GTF3C5: variants seen among roughly 807,000 people sequenced by gnomAD.
GTF3C5 encodes general transcription factor IIIC subunit 5, also known as general transcription factor 3C polypeptide 5.
GTF3C5 carries 47 observed loss-of-function variants against 61.0 expected under a neutral mutation model. The ratio of observed to expected loss-of-function variants is 0.77; its 90% CI spans 0.61 to 0.98. GTF3C5 has a LOEUF of 0.98. Ranked by LOEUF, GTF3C5 falls within the 50% of genes least tolerant of loss-of-function variation. The probability of loss-of-function intolerance (pLI) is 0.00; values close to 1 mark genes in which losing one functional copy is unlikely to be tolerated. For missense variants in GTF3C5, 659 were observed against 703.3 expected, an observed-to-expected ratio of 0.94 and a Z score of 0.71; for synonymous variants, 295 against 275.4, an observed-to-expected ratio of 1.07 and a Z score of -0.71.
intron 2 of GTF3C5, 84 bp from the exon 3 acceptor site, chr9:133,043,644 T>G (rs552557117): frequency 9.0e-7 from 1 of 1,106,542 alleles, no homozygotes; most frequent in South Asian, 1.3e-5. Flanking sequence ...ACTCAGCACC[T>G]CCCTAAGCAG....
intron 1 of GTF3C5, among the ~76,000 whole-genome samples, chr9:133,032,379 G>A (rs997348273): frequency 1.5e-4 from 23 of 152,272 alleles, no homozygotes; most frequent in African/African-American, 5.3e-4. Context: ...GAGCGATTTC[G>A]GTGGGAAGAC....
intron 3 of GTF3C5, among the ~76,000 whole-genome samples, chr9:133,049,550 T>A (rs1193519731): frequency 6.6e-6 from 1 of 152,242 alleles, no homozygotes; most frequent in Non-Finnish European, 1.5e-5. Context: ...TACTTTAAGA[T>A]GCACTTCGAT....
chr9:133,044,197 A>AACAGACG, intron 3 of GTF3C5: 1 of 482,780 alleles, frequency 2.1e-6, no homozygotes, highest in South Asian at 2.5e-5. Flanking sequence ...AGTACTACCC[A>AACAGACG]ACAGACGTAT....
At chr9:133,041,246 C>T (rs1012646839) in intron 1 of GTF3C5, among the ~76,000 whole-genome samples, 3 of 152,208 alleles carry the variant, frequency 2.0e-5, no homozygotes, top group Non-Finnish European at 2.9e-5. Flanking sequence ...AGACTCTACT[C>T]CTCCACCTCT....
chr9:133,037,750 C>T (rs887572821), intron 1 of GTF3C5, among the ~76,000 whole-genome samples: 2 of 152,094 alleles, frequency 1.3e-5, no homozygotes, highest in South Asian at 4.1e-4. Context: ...TTGAACTCTG[C>T]GTCTTCTAAG....
At position 133,056,013 on chromosome 9, in the gene GTF3C5, ACT is replaced by A; in HGVS notation, c.1172_1173del (p.Ser391CysfsTer35). The stretch of plus-strand genomic sequence containing the variant: ...GTCTCTCTCCCCCTTTGTCACCAGG[ACT>A]CTGTCTACATCTTCCGGGAAGGGGC... On this transcript the variant is annotated frameshift_variant and splice_region_variant, in exon 9 of 11. Coordinates refer to ENST00000372097, the MANE Select transcript of GTF3C5 (RefSeq NM_012087.4). LOFTEE classifies it high-confidence loss of function. The A allele has an allele frequency of 6.2e-7, 1 of 1,613,764 alleles. No individual in the cohort carries two copies. Among genetic ancestry groups the A allele is most frequent in the East Asian group, 2.2e-5 (1 of 44,860 alleles).
At chr9:133,035,288 T>C (rs1018600760) in intron 1 of GTF3C5, among the ~76,000 whole-genome samples, 1 of 152,172 alleles carries the variant, frequency 6.6e-6, no homozygotes. Context: ...ATAAGTACTT[T>C]AGGCAACCGA....
chr9:133,044,102 G>A lies in GTF3C5; in HGVS notation c.572+176G>A, dbSNP rs146064580. On this transcript the variant is annotated intron_variant, in intron 3 of 10. Transcript: ENST00000372097. ...GGAGGTTGCAGTGAGCCAAGATCGCGTCACTGCACTCCAGCCCGGGTGACA... is the reference window on the plus strand; with the variant it reads ...GGAGGTTGCAGTGAGCCAAGATCGCATCACTGCACTCCAGCCCGGGTGACA... 1,124 of 412,602 alleles carry A rather than the reference G, an allele frequency of 2.7e-3. 17 individuals carry two copies. Among genetic ancestry groups the A allele is most frequent in the African/African-American group, 0.023 (1,019 of 44,056 alleles). The allele number at this position is 412,602 out of a possible 1,614,324, so 25.6% of individuals were successfully genotyped here.
chr9:133,054,773 T>G lies in GTF3C5; in HGVS notation c.1131T>G (p.Gly377=). ...KQGLGPSGTS[G]ARKPASSKYK... ...GCCTGGGCCCGTCGGGGACGAGTGGTGCTCGGAAACCAGCTTCCAGCAAGT... is the reference window on the plus strand; with the variant it reads ...GCCTGGGCCCGTCGGGGACGAGTGGGGCTCGGAAACCAGCTTCCAGCAAGT... Residue 377 remains glycine (G), a synonymous_variant, in exon 8 of 11, where the codon GGT becomes GGG. Transcript: ENST00000372097. 6.3e-7 allele frequency: 1 copy of G among 1,583,636 alleles called. No individual in the cohort carries two copies. The highest frequency in any genetic ancestry group is 8.6e-7 in the Non-Finnish European group (1 of 1,165,430).
chr9:133,036,971 C>T lies in GTF3C5; in HGVS notation c.154-5116C>T, dbSNP rs565283772. ...GAGGTGGACGGAGAGGGCAGCTATC[C>T]GTTCTGTAGCTTCACCAGATACCAG... On this transcript the variant is annotated intron_variant, in intron 1 of 10. Coordinates refer to ENST00000372097, the MANE Select transcript of GTF3C5 (RefSeq NM_012087.4). Among the ~76,000 whole-genome samples, 10 of 152,174 alleles carry T rather than the reference C, an allele frequency of 6.6e-5. No individual in the cohort carries two copies. In the South Asian group the frequency reaches 1.2e-3, roughly 19 times the overall value.
At chr9:133,056,959 T>A (rs958305922) in intron 10 of GTF3C5, 51 bp downstream of exon 10, 3 of 1,510,926 alleles carry the variant, frequency 2.0e-6, no homozygotes, top group Non-Finnish European at 2.7e-6. Context: ...TGATCTCCTT[T>A]GAGACAGAGG....
chr9:133,051,849 G>A (rs1850390258), intron 4 of GTF3C5: 1 of 434,390 alleles, frequency 2.3e-6, no homozygotes, highest in South Asian at 4.7e-5. Flanking sequence ...ACTGCACTTG[G>A]CACAGGCTGG....
chr9:133,042,109 G>C lies in GTF3C5; in HGVS notation c.176G>C (p.Arg59Thr). 6.2e-7 allele frequency: 1 copy of C among 1,613,850 alleles called. No homozygotes were observed. The highest frequency in any genetic ancestry group is 8.5e-7 in the Non-Finnish European group (1 of 1,179,966). Residue 59 changes from arginine (R) to threonine (T), a missense_variant, in exon 2 of 11, where the codon AGG (arginine) becomes ACG (threonine). Coordinates refer to ENST00000372097, the MANE Select transcript of GTF3C5 (RefSeq NM_012087.4). The part of the protein sequence containing the change: ...VSRIYADPTK[R>T]LELYFRPKDP... ...CAGATCTACGCAGACCCCACCAAGA[G>C]GCTGGAGCTGTACTTCCGGCCCAAG... is the stretch of plus-strand genomic sequence containing the variant.
Position 133,043,727 on chromosome 9 carries a change from G to C in GTF3C5, c.374-1G>C. The C allele has an allele frequency of 2.5e-6, 4 of 1,613,642 alleles. No homozygotes were observed. The highest frequency in any genetic ancestry group is 3.4e-6 in the Non-Finnish European group (4 of 1,179,606). On this transcript the variant is annotated splice_acceptor_variant, in intron 2 of 10. Coordinates refer to ENST00000372097, the MANE Select transcript of GTF3C5 (RefSeq NM_012087.4). LOFTEE classifies it high-confidence loss of function. ...TGCCATCTGCCCACCTCTCTTTCTA[G>C]GGATGTCTGACTTCCAGTACTTGGC... is the stretch of plus-strand genomic sequence containing the variant.
At chr9:133,051,546 T>C (rs1472059609) in intron 4 of GTF3C5, among the ~76,000 whole-genome samples, 1 of 152,236 alleles carries the variant, frequency 6.6e-6, no homozygotes, top group Non-Finnish European at 1.5e-5. Flanking sequence ...TGGCTCCTTA[T>C]TGCCCACCAG....
At position 133,044,810 on chromosome 9, in the gene GTF3C5, G is replaced by A. The variant is rs192648050; in HGVS notation, c.572+884G>A. Among the ~76,000 whole-genome samples the A allele has an allele frequency of 3.3e-5, 5 of 152,024 alleles. No homozygotes were observed. In the East Asian group the frequency reaches 7.8e-4, roughly 24 times the overall value. ...CACGGTGCCTCTCCTGAGGACAGGC[G>A]CTCACTCTCTCTCATCAGTAGTGGG... On this transcript the variant is annotated intron_variant, in intron 3 of 10. Coordinates refer to ENST00000372097, the MANE Select transcript of GTF3C5 (RefSeq NM_012087.4).
intron 10 of GTF3C5, 48 bp from the exon 11 acceptor site, chr9:133,057,766 C>G: frequency 6.6e-7 from 1 of 1,520,346 alleles, no homozygotes; most frequent in Non-Finnish European, 8.8e-7. Flanking sequence ...CTGGGGCCAC[C>G]CGGCAGCCTG....
chr9:133,046,029 A>G (rs192631224), intron 3 of GTF3C5, among the ~76,000 whole-genome samples: 2 of 152,230 alleles, frequency 1.3e-5, no homozygotes, highest in African/African-American at 4.8e-5. Context: ...TGCAGCCCTC[A>G]AGAGAATGGG....
intron 1 of GTF3C5, among the ~76,000 whole-genome samples, chr9:133,041,078 C>A (rs1233964042): frequency 2.0e-5 from 3 of 152,212 alleles, no homozygotes; most frequent in Non-Finnish European, 4.4e-5. Context: ...GACTGGGCCA[C>A]CAGAGGGCTC....
Sources: gnomAD v4.1 joint callset for allele counts (sites outside exome capture counted in the v4.1 genomes callset) on GRCh38, gnomAD v4.1.1 for gene constraint, MANE v1.5 for transcripts, NCBI Gene and HGNC (gene_info 2026-07-23, HGNC 2026-07-21) for gene names.